POT1: variants seen among roughly 807,000 people sequenced by gnomAD.
POT1 encodes protection of telomeres 1.
A neutral mutation model predicts 78.5 loss-of-function variants in POT1; 47 were observed. That is an observed-to-expected ratio of 0.60 (90% CI 0.47 to 0.76). The LOEUF (loss-of-function observed/expected upper bound fraction) is 0.76. Among genes scored for constraint, POT1 ranks in the 30% least tolerant of loss-of-function variants. POT1 has a pLI of 0.00. For synonymous variants in POT1, 259 were observed against 260.7 expected (o/e 0.99, Z 0.06); for missense variants, 646 against 749.9 (o/e 0.86, Z 1.62).
At chr7:124,919,903 T>C (rs986320918) in intron 2 of POT1, among the ~76,000 whole-genome samples, 1 of 152,124 alleles carries the variant, frequency 6.6e-6, no homozygotes, top group African/African-American at 2.4e-5. Flanking sequence ...CCTGCCCCCA[T>C]GGGACTTGGG....
At chr7:124,852,933 C>T (rs772629428) in intron 10 of POT1, 39 bp downstream of exon 10, 13 of 1,566,612 alleles carry the variant, frequency 8.3e-6, no homozygotes, top group African/African-American at 2.7e-5. Flanking sequence ...TCGGCTTAAT[C>T]GATACCTTAT....
intron 2 of POT1, among the ~76,000 whole-genome samples, chr7:124,920,097 T>C (rs147771173): frequency 0.013 from 2,033 of 151,956 alleles, 50 homozygotes; most frequent in African/African-American, 0.047. Flanking sequence ...ATTTGACCTT[T>C]ACTCAAATGA....
Position 124,850,243 on chromosome 7 carries a change from A to C in POT1, c.949+1629T>G, listed in dbSNP as rs1277226582. Among the ~76,000 whole-genome samples, 6 of 152,332 alleles carry C rather than the reference A, an allele frequency of 3.9e-5. No homozygotes were observed. In the East Asian group the frequency reaches 1.2e-3, roughly 29 times the overall value. On this transcript the variant is annotated intron_variant, in intron 11 of 18. Transcript: ENST00000357628. ...AAATAAGGAGAGTTTTAAAACAGAG[A>C]GAATGAAGAAAATAAATGTAAAGTA...
intron 3 of POT1, among the ~76,000 whole-genome samples, chr7:124,914,719 A>C (rs1014592702): frequency 6.6e-6 from 1 of 152,222 alleles, no homozygotes; most frequent in East Asian, 1.9e-4. Context: ...CATTATAAAT[A>C]ATCTAGAGAT....
rs1797342763 is a variant in POT1 at position 124,928,990 on chromosome 7, C to T, written c.-402G>A. ...AAGCAAATTCAACTAGGGAATCTGA[C>T]AACTTGCTGCTGAAAATACAAAACC... is the stretch of plus-strand genomic sequence containing the variant. On this transcript the variant is annotated 5_prime_UTR_variant, in exon 2 of 19. Transcript: ENST00000357628. The T allele has an allele frequency of 6.6e-6, 1 of 152,620 alleles. No homozygotes were observed. The highest frequency in any genetic ancestry group is 1.5e-5 in the Non-Finnish European group (1 of 68,040). The allele number at this position is 152,620 out of a possible 1,614,324, so 9.5% of individuals were successfully genotyped here.
chr7:124,826,809 C>A (rs1348034725), intron 17 of POT1, among the ~76,000 whole-genome samples: 1 of 152,156 alleles, frequency 6.6e-6, no homozygotes, highest in Non-Finnish European at 1.5e-5. Context: ...GCGGAGGTTG[C>A]AGTGAGCTGA....
rs62478762 is a variant in POT1 at position 124,919,980 on chromosome 7, C to A, written c.-226-4334G>T. ...TGCTGTGCCAATAAGTAATATACTACCTAAATCTATTTGGGTGCCTTGCCT... is the reference window on the plus strand; with the variant it reads ...TGCTGTGCCAATAAGTAATATACTAACTAAATCTATTTGGGTGCCTTGCCT... On this transcript the variant is annotated intron_variant, in intron 2 of 18. Coordinates refer to ENST00000357628, the MANE Select transcript of POT1 (RefSeq NM_015450.3). 2.1e-4 allele frequency among the ~76,000 whole-genome samples: 15 copies of A among 71,206 alleles called. No individual in the cohort carries two copies. In the East Asian group the frequency reaches 4.5e-3, roughly 22 times the overall value. The allele number at this position is 71,206 out of a possible 152,430, so 46.7% of individuals were successfully genotyped here. A position where few individuals can be genotyped will look rare whatever the true frequency, so the allele number is the denominator to read the frequency against.
At chr7:124,927,881 C>T (rs1027420431) in intron 2 of POT1, among the ~76,000 whole-genome samples, 7 of 152,104 alleles carry the variant, frequency 4.6e-5, no homozygotes, top group Admixed American at 4.6e-4. Flanking sequence ...TCTAATTGTT[C>T]TCTAAGACCT....
At chr7:124,863,678 A>G in intron 7 of POT1, 38 bp from the exon 8 acceptor site, 1 of 1,475,908 alleles carries the variant, frequency 6.8e-7, no homozygotes, top group Non-Finnish European at 9.3e-7. Flanking sequence ...AGATACAAAT[A>G]AAATAGCTTA....
intron 9 of POT1, among the ~76,000 whole-genome samples, chr7:124,857,146 T>C (rs1407796393): frequency 6.6e-6 from 1 of 152,232 alleles, no homozygotes; most frequent in Admixed American, 6.5e-5. Flanking sequence ...TGCTACTCCA[T>C]GGCCACTGAT....
chr7:124,822,487 C>A lies in POT1; in HGVS notation c.*1475G>T, dbSNP rs1431486996. 1.8e-5 allele frequency: 8 copies of A among 445,618 alleles called. No homozygotes were observed. The East Asian group carries it at 5.6e-4, about 31-fold the overall frequency. 27.6% of individuals were successfully genotyped at this position (445,618 alleles called of 1,614,324 possible). A position where few individuals can be genotyped will look rare whatever the true frequency, so the allele number is the denominator to read the frequency against. ...AGTTTTCCTTTGTTAACGTGGAGAT[C>A]TTGCAGGCTCACAGTGTGAACATAT... On this transcript the variant is annotated 3_prime_UTR_variant, in exon 19 of 19. Coordinates refer to ENST00000357628, the MANE Select transcript of POT1 (RefSeq NM_015450.3).
At chr7:124,828,074 C>T (rs1794674073) in intron 16 of POT1, among the ~76,000 whole-genome samples, 2 of 151,832 alleles carry the variant, frequency 1.3e-5, no homozygotes, top group African/African-American at 4.8e-5. Flanking sequence ...CAGTTGATAG[C>T]CTCCATAGAA....
chr7:124,879,631 T>C (rs1337283899), intron 6 of POT1, among the ~76,000 whole-genome samples: 2 of 152,140 alleles, frequency 1.3e-5, no homozygotes, highest in East Asian at 3.8e-4. Flanking sequence ...ATTTAAGACA[T>C]ACTTGGAAAA....
At chr7:124,913,822 A>C (rs1444275510) in intron 3 of POT1, among the ~76,000 whole-genome samples, 1 of 152,082 alleles carries the variant, frequency 6.6e-6, no homozygotes, top group Non-Finnish European at 1.5e-5. Context: ...TTTGCAATTG[A>C]CTGAACATGT....
At chr7:124,839,351 G>T (rs1452247190) in intron 14 of POT1, among the ~76,000 whole-genome samples, 1 of 152,182 alleles carries the variant, frequency 6.6e-6, no homozygotes, top group Non-Finnish European at 1.5e-5. Flanking sequence ...AAAACATAAA[G>T]AACTGTAAAG....
At chr7:124,893,022 C>T (rs1796408473) in intron 5 of POT1, among the ~76,000 whole-genome samples, 1 of 151,386 alleles carries the variant, frequency 6.6e-6, no homozygotes, top group East Asian at 1.9e-4. Context: ...AGTTACATCT[C>T]TTGTAAGTTT....
intron 11 of POT1, among the ~76,000 whole-genome samples, chr7:124,847,755 C>T (rs1795206853): frequency 6.6e-6 from 1 of 152,126 alleles, no homozygotes; most frequent in Non-Finnish European, 1.5e-5. Flanking sequence ...CCCACATTTA[C>T]ATTGTATTTT....
At chr7:124,901,022 A>C (rs925099055) in intron 3 of POT1, among the ~76,000 whole-genome samples, 8 of 152,270 alleles carry the variant, frequency 5.3e-5, no homozygotes, top group Admixed American at 5.2e-4. Context: ...GGTGGAGCCC[A>C]CTGCAGCTCA....
At chr7:124,850,400 G>C (rs1795273963) in intron 11 of POT1, among the ~76,000 whole-genome samples, 1 of 152,190 alleles carries the variant, frequency 6.6e-6, no homozygotes, top group African/African-American at 2.4e-5. Flanking sequence ...AAAGGAGACA[G>C]AATAATTCAT....
Sources: allele counts gnomAD v4.1 joint callset (sites outside exome capture counted in the v4.1 genomes callset), GRCh38; gene constraint gnomAD v4.1.1; transcripts MANE v1.5; gene names NCBI Gene and HGNC (gene_info 2026-07-23, HGNC 2026-07-21).